The following VPS13B variants were observed in gnomAD, a reference collection of about 807,000 sequenced individuals.
VPS13B encodes intermembrane lipid transfer protein VPS13B.
In VPS13B, 285 loss-of-function variants were observed where a neutral mutation model predicts 426.4. That is an observed-to-expected ratio of 0.67 (90% CI 0.61 to 0.74). The LOEUF is 0.74. Among genes scored for constraint, VPS13B ranks in the 30% least tolerant of loss-of-function variants. VPS13B has a pLI of 0.00. For synonymous variants in VPS13B, 1,676 were observed against 1,676.4 expected, an observed-to-expected ratio of 1.00 and a Z score of 0.01; for missense variants, 4,537 against 4,782.6, an observed-to-expected ratio of 0.95 and a Z score of 1.51.
intron 24 of VPS13B, among the ~76,000 whole-genome samples, 158 bp downstream of exon 24, chr8:99,467,792 G>A (rs1343027537): frequency 1.3e-5 from 2 of 152,174 alleles, no homozygotes; most frequent in Non-Finnish European, 2.9e-5. Context: ...TTGCTTTGAA[G>A]CTCTCTCAAG....
chr8:99,476,742 A>G (rs1375751247), intron 24 of VPS13B, among the ~76,000 whole-genome samples: 2 of 152,188 alleles, frequency 1.3e-5, no homozygotes, highest in Non-Finnish European at 2.9e-5. Context: ...AATAACTTTT[A>G]TAAATGAAAA....
At chr8:99,408,509 A>C (rs556653984) in intron 21 of VPS13B, among the ~76,000 whole-genome samples, 107 of 152,270 alleles carry the variant, frequency 7.0e-4, no homozygotes, top group Non-Finnish European at 1.4e-3. Context: ...TATTTATTGA[A>C]ACTTGGAGGA....
At position 99,649,081 on chromosome 8, in the gene VPS13B, T is replaced by C. The variant is rs1829703243; in HGVS notation, c.5908+6583T>C. Among the ~76,000 whole-genome samples, 3 of 152,270 alleles carry C rather than the reference T, an allele frequency of 2.0e-5. No homozygotes were observed. The South Asian group carries it at 6.2e-4, about 32-fold the overall frequency. On this transcript the variant is annotated intron_variant, in intron 34 of 61. Coordinates refer to ENST00000357162, the MANE Select transcript of VPS13B (RefSeq NM_152564.5). ...CCTGTGGTTTCTGATGAGGAATCCATGTTCATTCCAATTACTGTTTCCATA... is the reference window on the plus strand; with the variant it reads ...CCTGTGGTTTCTGATGAGGAATCCACGTTCATTCCAATTACTGTTTCCATA...
At chr8:99,037,643 C>T (rs915295793) in intron 2 of VPS13B, among the ~76,000 whole-genome samples, 2 of 152,016 alleles carry the variant, frequency 1.3e-5, no homozygotes, top group Non-Finnish European at 2.9e-5. Flanking sequence ...GATAGAAATA[C>T]ATTTTTTTCT....
intron 30 of VPS13B, among the ~76,000 whole-genome samples, chr8:99,541,018 A>T (rs1823587674): frequency 6.6e-6 from 1 of 152,080 alleles, no homozygotes; most frequent in Non-Finnish European, 1.5e-5. Flanking sequence ...GTACATTGTG[A>T]CTTTTTTATA....
chr8:99,247,626 A>G (rs1817292550), intron 17 of VPS13B, among the ~76,000 whole-genome samples: 1 of 152,208 alleles, frequency 6.6e-6, no homozygotes, highest in South Asian at 2.1e-4. Context: ...TTGGTTCTAT[A>G]TTATTCCCCT....
At chr8:99,789,795 A>G (rs1358123589) in intron 43 of VPS13B, among the ~76,000 whole-genome samples, 1 of 152,176 alleles carries the variant, frequency 6.6e-6, no homozygotes, top group Non-Finnish European at 1.5e-5. Flanking sequence ...TCAGAAAAGC[A>G]GAATATGAAA....
At chr8:99,707,743 G>A (rs1426853381) in intron 36 of VPS13B, among the ~76,000 whole-genome samples, 2 of 152,206 alleles carry the variant, frequency 1.3e-5, no homozygotes, top group Non-Finnish European at 2.9e-5. Context: ...ACCTTGGGTT[G>A]AAGCCCATGG....
intron 35 of VPS13B, among the ~76,000 whole-genome samples, chr8:99,691,723 C>T (rs1282246331): frequency 1.4e-5 from 2 of 147,792 alleles, no homozygotes; most frequent in Non-Finnish European, 3.0e-5. Context: ...GGACTAAATG[C>T]TCCAATTAAA....
chr8:99,364,642 A>G (rs1812749296), intron 19 of VPS13B, among the ~76,000 whole-genome samples: 1 of 152,118 alleles, frequency 6.6e-6, no homozygotes, highest in Non-Finnish European at 1.5e-5. Context: ...CATATTGCCC[A>G]GGCTGGTCTT....
intron 19 of VPS13B, among the ~76,000 whole-genome samples, chr8:99,312,158 G>T (rs1821022688): frequency 1.3e-5 from 2 of 152,140 alleles, no homozygotes; most frequent in Admixed American, 6.5e-5. Flanking sequence ...GGAACATTTA[G>T]CCCATTTACA....
At position 99,875,502 on chromosome 8, in the gene VPS13B, CCCA is replaced by C. The variant is rs755000339; in HGVS notation, c.11831_11833del (p.Pro3944_Ser3945delinsArg). 43 of 1,614,040 alleles carry C rather than the reference CCCA, an allele frequency of 2.7e-5. No individual in the cohort carries two copies. Among genetic ancestry groups the C allele is most frequent in the Non-Finnish European group, 2.5e-6 (3 of 1,180,036 alleles). On this transcript the variant is annotated inframe_deletion, in exon 62 of 62. Coordinates refer to ENST00000357162, the MANE Select transcript of VPS13B (RefSeq NM_152564.5). ...CACAAAGACATCTTGTCACCTGGCCCCCAGCTGTTCTTCCATGCAAATACCATG... is the reference window on the plus strand; with the variant it reads ...CACAAAGACATCTTGTCACCTGGCCCGCTGTTCTTCCATGCAAATACCATG...
intron 1 of VPS13B, 24 bp from the exon 2 acceptor site, chr8:99,013,736 A>G (rs1841443804): frequency 1.9e-6 from 3 of 1,611,790 alleles, no homozygotes; most frequent in Non-Finnish European, 2.5e-6. Context: ...GCCGACTTCT[A>G]ACGTTTCTGT....
At chr8:99,164,142 TGTTA>T (rs1233483902) in intron 15 of VPS13B, among the ~76,000 whole-genome samples, 1 of 152,112 alleles carries the variant, frequency 6.6e-6, no homozygotes, top group East Asian at 1.9e-4. Flanking sequence ...GGGTAGAAGT[TGTTA>T]GTTGAACTCA....
chr8:99,430,710 C>CG (rs896737750), intron 21 of VPS13B, among the ~76,000 whole-genome samples: 1 of 151,344 alleles, frequency 6.6e-6, no homozygotes, highest in Non-Finnish European at 1.5e-5. Flanking sequence ...CCACCCCCCC[C>CG]CCAACTTTTT....
At chr8:99,638,002 T>C (rs763748415) in intron 33 of VPS13B, among the ~76,000 whole-genome samples, 3 of 152,122 alleles carry the variant, frequency 2.0e-5, no homozygotes, top group Admixed American at 6.6e-5. Context: ...ACTGCTTAAG[T>C]ACTTGATTTC....
chr8:99,491,620 A>G (rs928239302), intron 25 of VPS13B, among the ~76,000 whole-genome samples: 10 of 152,032 alleles, frequency 6.6e-5, no homozygotes, highest in African/African-American at 2.4e-4. Flanking sequence ...TTGATCTTCA[A>G]TCACTGATAT....
At chr8:99,334,559 G>A (rs890870771) in intron 19 of VPS13B, among the ~76,000 whole-genome samples, 26 of 152,066 alleles carry the variant, frequency 1.7e-4, no homozygotes, top group African/African-American at 5.5e-4. Flanking sequence ...AGTTTTTAGC[G>A]TGAAGCGTTG....
chr8:99,431,171 G>A (rs955043779), intron 21 of VPS13B, among the ~76,000 whole-genome samples: 2 of 152,098 alleles, frequency 1.3e-5, no homozygotes, highest in Non-Finnish European at 2.9e-5. Context: ...TTTTATTGAT[G>A]TATTGCCTTT....
Sources: allele counts gnomAD v4.1 joint callset (sites outside exome capture counted in the v4.1 genomes callset), GRCh38; gene constraint gnomAD v4.1.1; transcripts MANE v1.5; gene names NCBI Gene and HGNC (gene_info 2026-07-23, HGNC 2026-07-21).